GPHN: variants seen among roughly 807,000 people sequenced by gnomAD.
The protein encoded by GPHN is gephyrin.
GPHN carries 17 observed loss-of-function variants against 95.5 expected under a neutral mutation model. The observed-to-expected ratio is 0.18, with a 90% CI of 0.12 to 0.27. The LOEUF (loss-of-function observed/expected upper bound fraction) is 0.27. Ranked by LOEUF, GPHN falls within the 10% of genes least tolerant of loss-of-function variation. GPHN has a pLI of 1.00. For synonymous variants in GPHN, 320 were observed against 322.5 expected (o/e 0.99, Z 0.08); for missense variants, 660 against 978.1 (o/e 0.67, Z 4.34).
the GPHN span, among the ~76,000 whole-genome samples, chr14:67,202,318 G>T: frequency 7.9e-3 from 1,202 of 152,256 alleles, 7 homozygotes; most frequent in Non-Finnish European, 0.013. Flanking sequence ...GCATGTGCCT[G>T]TAATCCCAGC....
At chr14:67,069,530 A>C (rs899859305) in intron 11 of GPHN, among the ~76,000 whole-genome samples, 6 of 152,240 alleles carry the variant, frequency 3.9e-5, no homozygotes, top group East Asian at 1.9e-4. Flanking sequence ...CTTCACTGCT[A>C]CAAACTTAGT....
At chr14:67,342,557 CTTT>C in the GPHN span, among the ~76,000 whole-genome samples, 3 of 136,964 alleles carry the variant, frequency 2.2e-5, no homozygotes, top group Non-Finnish European at 3.1e-5. Flanking sequence ...ACGAATTATC[CTTT>C]TTTTTTTTTT....
chr14:67,237,600 A>T, the GPHN span, among the ~76,000 whole-genome samples: 1 of 152,120 alleles, frequency 6.6e-6, no homozygotes, highest in Non-Finnish European at 1.5e-5. Context: ...TGACAGGCAC[A>T]TGCCACCATG....
chr14:67,606,925 C>T, the GPHN span, among the ~76,000 whole-genome samples: 9 of 152,114 alleles, frequency 5.9e-5, no homozygotes, highest in African/African-American at 7.2e-5. Flanking sequence ...GGATTACAGG[C>T]GTGAGCCACC....
At chr14:67,411,136 CAAAAAAAAAA>C in the GPHN span, among the ~76,000 whole-genome samples, 6 of 52,072 alleles carry the variant, frequency 1.2e-4, no homozygotes, top group Non-Finnish European at 2.1e-4. Context: ...GACCCTGTCT[CAAAAAAAAAA>C]AAAAAAAAAA....
chr14:67,450,294 A>G, the GPHN span, among the ~76,000 whole-genome samples: 1 of 152,146 alleles, frequency 6.6e-6, no homozygotes, highest in South Asian at 2.1e-4. Context: ...AATACAGTAA[A>G]TTGGTACCAG....
intron 4 of GPHN, among the ~76,000 whole-genome samples, chr14:66,828,783 T>A (rs2061475055): frequency 1.3e-5 from 2 of 149,978 alleles, no homozygotes; most frequent in African/African-American, 5.1e-5. Context: ...TCTCTCCAGG[T>A]CTATTAAAAA....
the GPHN span, among the ~76,000 whole-genome samples, chr14:67,398,339 C>A: frequency 1.3e-5 from 2 of 152,112 alleles, no homozygotes; most frequent in Non-Finnish European, 2.9e-5. Context: ...ATCCTCCCAC[C>A]TCAGAAAGGG....
the GPHN span, chr14:67,600,005 G>A: frequency 6.5e-7 from 1 of 1,542,370 alleles, no homozygotes; most frequent in South Asian, 1.2e-5. Flanking sequence ...AGCGCGGGGA[G>A]GGGCCGACTT....
the GPHN span, among the ~76,000 whole-genome samples, chr14:67,395,010 AATG>A: frequency 1.3e-5 from 2 of 152,100 alleles, no homozygotes; most frequent in Non-Finnish European, 1.5e-5. Context: ...CAGCCTCTAT[AATG>A]ATAAGAAATA....
chr14:67,316,578 C>A, the GPHN span, among the ~76,000 whole-genome samples: 1 of 151,988 alleles, frequency 6.6e-6, no homozygotes, highest in East Asian at 1.9e-4. Context: ...AAAAGTTGAA[C>A]TATTAAATTT....
At chr14:66,576,537 TAAC>T (rs1430402608) in intron 1 of GPHN, among the ~76,000 whole-genome samples, 1 of 152,142 alleles carries the variant, frequency 6.6e-6, no homozygotes, top group South Asian at 2.1e-4. Context: ...ATATCTCTAA[TAAC>T]AGGGGCTTCA....
At chr14:67,481,276 T>C in the GPHN span, among the ~76,000 whole-genome samples, 1 of 152,074 alleles carries the variant, frequency 6.6e-6, no homozygotes, top group African/African-American at 2.4e-5. Flanking sequence ...AGCAAGACCC[T>C]GTCTCTTAAA....
At chr14:67,012,985 T>A (rs985820303) in intron 9 of GPHN, among the ~76,000 whole-genome samples, 5 of 152,134 alleles carry the variant, frequency 3.3e-5, no homozygotes, top group African/African-American at 1.2e-4. Context: ...ATGTACTTAT[T>A]AGTTTAGGTG....
At chr14:67,265,093 T>A in the GPHN span, among the ~76,000 whole-genome samples, 7 of 152,244 alleles carry the variant, frequency 4.6e-5, no homozygotes. Flanking sequence ...TCTGGTATAG[T>A]ATATTCTAAA....
chr14:67,049,329 G>C (rs182875632), intron 10 of GPHN, among the ~76,000 whole-genome samples: 1 of 151,942 alleles, frequency 6.6e-6, no homozygotes. Flanking sequence ...CCGGGTTCAC[G>C]CCTTTCTCCT....
At chr14:67,568,997 A>G in the GPHN span, 1 of 598,474 alleles carries the variant, frequency 1.7e-6, no homozygotes, top group South Asian at 2.0e-5. Context: ...AAATGAAGTA[A>G]CTTGCCCAAG....
rs984280312 is a variant in GPHN, at chr14:66,874,567, C to T, written c.295-5372C>T. Among the ~76,000 whole-genome samples the T allele has an allele frequency of 1.4e-4, 21 of 152,098 alleles. 2 individuals are homozygous for T. The highest frequency in any genetic ancestry group is 1.3e-3 in the Admixed American group (20 of 15,258). On this transcript the variant is annotated intron_variant, in intron 4 of 22. Transcript: ENST00000478722. ...CCAGTTTAGAGAAGAACATAAATGA[C>T]CTGATGTAGCTGAGAAACACAACAC... is the stretch of plus-strand genomic sequence containing the variant.
the GPHN span, among the ~76,000 whole-genome samples, chr14:67,266,849 C>T: frequency 6.6e-6 from 1 of 152,016 alleles, no homozygotes; most frequent in African/African-American, 2.4e-5. Context: ...GTGGCTCATG[C>T]CTGTAATCCC....
Sources: allele counts gnomAD v4.1 joint callset (sites outside exome capture counted in the v4.1 genomes callset), GRCh38; gene constraint gnomAD v4.1.1; transcripts MANE v1.5; gene names NCBI Gene and HGNC (gene_info 2026-07-23, HGNC 2026-07-21).